The following MICAL2 variants were observed in gnomAD, a reference collection of about 807,000 sequenced individuals.
MICAL2 encodes the protein [F-actin]-monooxygenase MICAL2.
Under a neutral mutation model 127.3 loss-of-function variants are expected in MICAL2, and 77 were observed. The ratio of observed to expected loss-of-function variants is 0.60; its 90% CI spans 0.50 to 0.73. The LOEUF (loss-of-function observed/expected upper bound fraction) is 0.73. MICAL2 is among the 30% of genes least tolerant of loss of function. The pLI, the probability that MICAL2 is intolerant of heterozygous loss-of-function variation, is 0.00. For synonymous variants in MICAL2, 570 were observed against 551.1 expected, an observed-to-expected ratio of 1.03 and a Z score of -0.48; for missense variants, 1,351 against 1,434.4, an observed-to-expected ratio of 0.94 and a Z score of 0.94.
At chr11:12,315,744 T>C (rs947938260) in intron 29 of MICAL2, among the ~76,000 whole-genome samples, 4 of 152,182 alleles carry the variant, frequency 2.6e-5, no homozygotes, top group Admixed American at 6.5e-5. Flanking sequence ...TGATGTGAAA[T>C]AGGTCAAGTT....
chr11:12,170,259 G>A (rs1035097084), intron 3 of MICAL2, among the ~76,000 whole-genome samples: 8 of 152,042 alleles, frequency 5.3e-5, no homozygotes, highest in East Asian at 1.9e-4. Flanking sequence ...AGACCAGCCC[G>A]GGCAATATGG....
intron 26 of MICAL2, chr11:12,260,842 C>T (rs1364174489): frequency 7.1e-6 from 7 of 985,356 alleles, no homozygotes; most frequent in African/African-American, 5.2e-5. Flanking sequence ...GGCTTTCCCC[C>T]CCATACCAAC....
chr11:12,127,799 G>A (rs544739168), intron 1 of MICAL2, among the ~76,000 whole-genome samples: 4 of 152,174 alleles, frequency 2.6e-5, no homozygotes, highest in South Asian at 4.1e-4. Context: ...GGATATTGGC[G>A]GCTGAGACAG....
At chr11:12,186,566 A>G (rs1357336039) in intron 3 of MICAL2, among the ~76,000 whole-genome samples, 2 of 152,028 alleles carry the variant, frequency 1.3e-5, no homozygotes, top group Non-Finnish European at 2.9e-5. Context: ...TTAAAGATGC[A>G]TGGTCTCTTC....
intron 27 of MICAL2, 162 bp downstream of exon 27, chr11:12,262,699 G>T (rs1442738160): frequency 3.0e-6 from 2 of 658,296 alleles, no homozygotes; most frequent in Admixed American, 4.8e-5. Flanking sequence ...ATGGCGGGGG[G>T]TGTTCAGCTT....
At chr11:12,315,455 T>C (rs1365202350) in intron 29 of MICAL2, among the ~76,000 whole-genome samples, 1 of 152,158 alleles carries the variant, frequency 6.6e-6, no homozygotes, top group Admixed American at 6.5e-5. Flanking sequence ...CAAAAATACA[T>C]TGTTTTAATT....
intron 29 of MICAL2, among the ~76,000 whole-genome samples, chr11:12,311,252 A>G (rs528570246): frequency 8.5e-5 from 13 of 152,322 alleles, no homozygotes; most frequent in South Asian, 4.1e-4. Flanking sequence ...TTCCTGAAAT[A>G]AACCCAGCTT....
At chr11:12,351,987 C>T (rs565179757) in intron 33 of MICAL2, among the ~76,000 whole-genome samples, 22 of 152,092 alleles carry the variant, frequency 1.4e-4, no homozygotes, top group Non-Finnish European at 2.5e-4. Flanking sequence ...AGGGTTTCAC[C>T]GTGTTGACCA....
chr11:12,307,774 T>A (rs1864129898), intron 29 of MICAL2, among the ~76,000 whole-genome samples: 2 of 152,210 alleles, frequency 1.3e-5, no homozygotes, highest in South Asian at 4.1e-4. Flanking sequence ...TGACCATATA[T>A]GTGTAGGTCT....
At position 12,349,522 on chromosome 11, in the gene MICAL2, G is replaced by A. The variant is rs554659999; in HGVS notation, c.5516-316G>A. On this transcript the variant is annotated intron_variant, in intron 32 of 34. Transcript: ENST00000646065. ...GGATGTGATGCATACACATATGTAA[G>A]TTTTACAAAGAATATACGAGTAGGC... Among the ~76,000 whole-genome samples the A allele has an allele frequency of 6.6e-5, 10 of 152,276 alleles. No individual in the cohort carries two copies. In the East Asian group the frequency reaches 1.7e-3, roughly 26 times the overall value.
Position 12,349,849 on chromosome 11 carries a change from C to T in MICAL2, c.5527C>T (p.Gln1843Ter). The change falls in exon 33 of 35, where the codon CAG (glutamine) becomes TAG (stop). Residue 1843 changes from glutamine to a stop codon, truncating the protein, a stop_gained. Coordinates refer to the MICAL2 transcript ENST00000646065. LOFTEE classifies it high-confidence loss of function. ...GATTTCTTAAGCAGATTCAGGCACA[C>T]AGGATGAAGCACAGCTTTTGCAGGA... 2 of 1,614,024 alleles carry T rather than the reference C, an allele frequency of 1.2e-6. No homozygotes were observed. Among genetic ancestry groups the T allele is most frequent in the Non-Finnish European group, 1.7e-6 (2 of 1,179,946 alleles).
chr11:12,250,602 GA>G (rs1284736816), intron 22 of MICAL2, among the ~76,000 whole-genome samples: 1 of 152,132 alleles, frequency 6.6e-6, no homozygotes, highest in Non-Finnish European at 1.5e-5. Context: ...TTAATTTGCT[GA>G]AAAATAATTA....
At position 12,142,454 on chromosome 11, in the gene MICAL2, C is replaced by T. The variant is rs188097154; in HGVS notation, c.-78+3994C>T. ...GCCATTCAAATCAAAATCATATGAG[C>T]GTTGTTGCTAAGCAGGCCTTGTTGT... On this transcript the variant is annotated intron_variant, in intron 2 of 27. Coordinates refer to ENST00000683283, the MANE Select transcript of MICAL2 (RefSeq NM_001282663.2). Among the ~76,000 whole-genome samples, 277 of 152,208 alleles carry T rather than the reference C, an allele frequency of 1.8e-3. 2 individuals are homozygous for T. Among genetic ancestry groups the T allele is most frequent in the African/African-American group, 6.3e-3 (262 of 41,516 alleles).
At chr11:12,339,396 C>T (rs1938822250) in intron 32 of MICAL2, among the ~76,000 whole-genome samples, 1 of 152,026 alleles carries the variant, frequency 6.6e-6, no homozygotes, top group South Asian at 2.1e-4. Context: ...TTGGTTCGAA[C>T]TTCCTCCTTT....
intron 5 of MICAL2, chr11:12,208,515 A>T (rs1034930723): frequency 5.3e-6 from 1 of 187,926 alleles, no homozygotes; most frequent in Non-Finnish European, 1.1e-5. Context: ...TTGTACTTGT[A>T]CCCATGGCAC....
At chr11:12,307,926 A>G (rs1864131795) in intron 29 of MICAL2, among the ~76,000 whole-genome samples, 1 of 152,178 alleles carries the variant, frequency 6.6e-6, no homozygotes, top group Non-Finnish European at 1.5e-5. Context: ...TCTGTTGCCC[A>G]AGCTGGAGTG....
At chr11:12,325,937 A>G (rs945417587) in intron 31 of MICAL2, among the ~76,000 whole-genome samples, 1 of 152,258 alleles carries the variant, frequency 6.6e-6, no homozygotes, top group South Asian at 2.1e-4. Flanking sequence ...TTATAAAGAT[A>G]TAATTGTCTT....
chr11:12,214,846 C>T (rs956466381), intron 7 of MICAL2, among the ~76,000 whole-genome samples: 3 of 151,300 alleles, frequency 2.0e-5, no homozygotes, highest in Admixed American at 6.6e-5. Context: ...CACACACACA[C>T]AACTTGCTGA....
intron 4 of MICAL2, 49 bp from the exon 5 acceptor site, chr11:12,207,974 G>A: frequency 7.4e-7 from 1 of 1,355,376 alleles, no homozygotes; most frequent in Non-Finnish European, 1.1e-6. Context: ...GCATATAGGT[G>A]GTGTTCAGGT....
Sources: gnomAD v4.1 joint callset for allele counts (sites outside exome capture counted in the v4.1 genomes callset) on GRCh38, gnomAD v4.1.1 for gene constraint, MANE v1.5 for transcripts, NCBI Gene and HGNC (gene_info 2026-07-23, HGNC 2026-07-21) for gene names.